The following USP15 variants were observed in gnomAD, a reference collection of about 807,000 sequenced individuals.
USP15 encodes ubiquitin carboxyl-terminal hydrolase 15.
USP15 carries 18 observed loss-of-function variants against 127.1 expected under a neutral mutation model. The ratio of observed to expected loss-of-function variants is 0.14; its 90% CI spans 0.10 to 0.21. The LOEUF (loss-of-function observed/expected upper bound fraction) is 0.21, where lower values mean the gene tolerates loss of function less well. Among genes scored for constraint, USP15 ranks in the 10% least tolerant of loss-of-function variants. The pLI is 1.00. For synonymous variants in USP15, 364 were observed against 393.7 expected (o/e 0.92, Z 0.89); for missense variants, 805 against 1,159.9 (o/e 0.69, Z 4.44).
chr12:62,355,078 G>A (rs2066077699), intron 7 of USP15: 1 of 260,006 alleles, frequency 3.8e-6, no homozygotes, highest in African/African-American at 2.2e-5. Context: ...ATCAAAGGTA[G>A]GAAGATATAA....
chr12:62,328,389 C>A, intron 6 of USP15: 1 of 395,240 alleles, frequency 2.5e-6, no homozygotes, highest in Non-Finnish European at 5.2e-6. Context: ...TGCCTGTGTT[C>A]CAATAAAGCT....
intron 1 of USP15, among the ~76,000 whole-genome samples, chr12:62,275,832 C>A (rs1048703507): frequency 2.6e-5 from 4 of 152,038 alleles, no homozygotes; most frequent in Non-Finnish European, 4.4e-5. Context: ...AGGCTTCTGA[C>A]TGCTTTGTAA....
At chr12:62,359,718 AT>A (rs1238453089) in intron 8 of USP15, among the ~76,000 whole-genome samples, 1 of 151,956 alleles carries the variant, frequency 6.6e-6, no homozygotes, top group Non-Finnish European at 1.5e-5. Flanking sequence ...CAACCCTTTA[AT>A]TTCTGAACTA....
At position 62,367,242 on chromosome 12, in the gene USP15, G is replaced by GT. The variant is rs532949544; in HGVS notation, c.915+11774dup. 1.8e-3 allele frequency among the ~76,000 whole-genome samples: 263 copies of GT among 149,736 alleles called. 1 individual carries two copies. Among genetic ancestry groups the GT allele is most frequent in the African/African-American group, 6.1e-3 (251 of 40,852 alleles). ...TTTTTTGTTTGTTTGTTTGTTTTTT[G>GT]TTTTTTTGAGATGGAGTCTCACTCT... On this transcript the variant is annotated intron_variant, in intron 8 of 21. Coordinates refer to ENST00000280377, the MANE Select transcript of USP15 (RefSeq NM_001252078.2).
At chr12:62,397,855 CAAA>C (rs1220245515) in intron 20 of USP15, among the ~76,000 whole-genome samples, 1 of 131,284 alleles carries the variant, frequency 7.6e-6, no homozygotes. Context: ...GACTCTGTCT[CAAA>C]AAAAAAAAAA....
intron 8 of USP15, among the ~76,000 whole-genome samples, chr12:62,379,249 GAC>G (rs1281185774): frequency 6.6e-6 from 1 of 150,574 alleles, no homozygotes; most frequent in Non-Finnish European, 1.5e-5. Flanking sequence ...TAATGTTGCA[GAC>G]TTTCAGATTG....
At chr12:62,358,673 A>G (rs10431566) in intron 8 of USP15, among the ~76,000 whole-genome samples, 130,426 of 152,094 alleles carry the variant, frequency 0.86, 56,183 homozygotes, top group African/African-American at 0.93. Flanking sequence ...CCAAGATTAC[A>G]CCATTACACT....
chr12:62,367,166 G>C (rs11174444), intron 8 of USP15, among the ~76,000 whole-genome samples: 9,769 of 152,118 alleles, frequency 0.064, 405 homozygotes, highest in Middle Eastern at 0.095. Flanking sequence ...TGTGGTCCTG[G>C]AATGTTTTTG....
At chr12:62,390,029 G>C (rs1032480203) in intron 14 of USP15, 41 bp downstream of exon 14, 2 of 1,480,082 alleles carry the variant, frequency 1.4e-6, no homozygotes, top group Non-Finnish European at 1.8e-6. Flanking sequence ...ATAAATATGG[G>C]AATAAAATAT....
chr12:62,261,619 G>T (rs1291758962), intron 1 of USP15, among the ~76,000 whole-genome samples: 1 of 152,170 alleles, frequency 6.6e-6, no homozygotes, highest in African/African-American at 2.4e-5. Flanking sequence ...TCTTCATGCT[G>T]TAAAATGGAC....
At chr12:62,379,994 C>G (rs1158005358) in intron 8 of USP15, among the ~76,000 whole-genome samples, 1 of 151,982 alleles carries the variant, frequency 6.6e-6, no homozygotes, top group Non-Finnish European at 1.5e-5. Flanking sequence ...TTAATTGCCT[C>G]CTACACTGTA....
At chr12:62,363,409 A>T (rs919703653) in intron 8 of USP15, among the ~76,000 whole-genome samples, 1 of 151,954 alleles carries the variant, frequency 6.6e-6, no homozygotes, top group Non-Finnish European at 1.5e-5. Context: ...TCACCCTCAC[A>T]TGTGCCAAGA....
intron 1 of USP15, among the ~76,000 whole-genome samples, chr12:62,273,046 C>CT (rs1392928946): frequency 6.6e-6 from 1 of 152,000 alleles, no homozygotes; most frequent in Non-Finnish European, 1.5e-5. Flanking sequence ...CGGTCTCAGT[C>CT]TAACTCTTTA....
intron 21 of USP15, among the ~76,000 whole-genome samples, chr12:62,403,445 G>C (rs1173900602): frequency 6.6e-6 from 1 of 152,026 alleles, no homozygotes; most frequent in Non-Finnish European, 1.5e-5. Context: ...GCTACTGAGA[G>C]ATTGACCAAA....
At chr12:62,333,806 A>G (rs932210799) in intron 6 of USP15, among the ~76,000 whole-genome samples, 6 of 152,140 alleles carry the variant, frequency 3.9e-5, no homozygotes, top group African/African-American at 1.4e-4. Flanking sequence ...TATTCCTATA[A>G]ATGGGAATAT....
At chr12:62,379,277 G>A (rs1044567453) in intron 8 of USP15, among the ~76,000 whole-genome samples, 3 of 151,784 alleles carry the variant, frequency 2.0e-5, no homozygotes, top group Admixed American at 6.6e-5. Context: ...GTATGTGGAG[G>A]AATGACTAAT....
chr12:62,322,439 A>AT (rs1396839832), intron 5 of USP15, among the ~76,000 whole-genome samples: 1 of 152,000 alleles, frequency 6.6e-6, no homozygotes, highest in Non-Finnish European at 1.5e-5. Flanking sequence ...CCCGGCCGGT[A>AT]TTTTTTTAAT....
At chr12:62,342,037 C>A (rs971922713) in intron 6 of USP15, among the ~76,000 whole-genome samples, 1 of 152,184 alleles carries the variant, frequency 6.6e-6, no homozygotes, top group Non-Finnish European at 1.5e-5. Context: ...CCGTCACTTT[C>A]AGTTACACTA....
At chr12:62,310,815 T>G (rs1211440394) in intron 3 of USP15, among the ~76,000 whole-genome samples, 4 of 151,958 alleles carry the variant, frequency 2.6e-5, no homozygotes, top group Non-Finnish European at 1.5e-5. Context: ...CTGTTTTCTG[T>G]AGTGGCTGTA....
Sources: allele counts gnomAD v4.1 joint callset (sites outside exome capture counted in the v4.1 genomes callset), GRCh38; gene constraint gnomAD v4.1.1; transcripts MANE v1.5; gene names NCBI Gene and HGNC (gene_info 2026-07-23, HGNC 2026-07-21).